Variants in VGLL4 observed in about 807,000 individuals in gnomAD.
VGLL4 encodes transcription cofactor vestigial-like protein 4.
VGLL4 carries 7 observed loss-of-function variants against 21.0 expected under a neutral mutation model. The ratio of observed to expected loss-of-function variants is 0.33; its 90% CI spans 0.19 to 0.63. VGLL4 has a LOEUF of 0.63. Among genes scored for constraint, VGLL4 ranks in the 20% least tolerant of loss-of-function variants. The pLI is 0.78. For missense variants in VGLL4, 394 were observed against 425.7 expected (o/e 0.93, Z 0.66); for synonymous variants, 222 against 173.2 (o/e 1.28, Z -2.21).
intron 2 of VGLL4, among the ~76,000 whole-genome samples, chr3:11,571,634 T>C (rs2073780719): frequency 6.6e-6 from 1 of 152,082 alleles, no homozygotes; most frequent in Non-Finnish European, 1.5e-5. Flanking sequence ...GCCACTGCAC[T>C]CCAGCCTGGG....
chr3:11,583,210 G>A (rs1054900033), intron 2 of VGLL4, among the ~76,000 whole-genome samples: 11 of 152,058 alleles, frequency 7.2e-5, no homozygotes, highest in Non-Finnish European at 1.3e-4. Context: ...GAAGCACCAC[G>A]GTATTTATCA....
chr3:11,608,900 C>T (rs528574590), intron 1 of VGLL4, among the ~76,000 whole-genome samples: 2 of 152,166 alleles, frequency 1.3e-5, no homozygotes, highest in African/African-American at 4.8e-5. Context: ...CTCACTCTGT[C>T]GCCCAGACTG....
intron 2 of VGLL4, among the ~76,000 whole-genome samples, chr3:11,586,895 G>A (rs1388479491): frequency 2.6e-5 from 4 of 152,210 alleles, no homozygotes. Flanking sequence ...CAACAAATAT[G>A]TTAGTTTCAA....
chr3:11,677,909 CAAAAAA>C (rs35366594), intron 2 of VGLL4, among the ~76,000 whole-genome samples: 10 of 120,906 alleles, frequency 8.3e-5, no homozygotes, highest in African/African-American at 3.2e-4. Context: ...CTTCGTCTTT[CAAAAAA>C]AAAAAAAAAA....
In VGLL4 at chr3:11,622,200, G is replaced by C. The variant is rs561725382; in HGVS notation, c.83-20178C>G. Among the ~76,000 whole-genome samples, 7 of 152,132 alleles carry C rather than the reference G, an allele frequency of 4.6e-5. 1 individual carries two copies. The highest frequency in any genetic ancestry group is 1.4e-4 in the African/African-American group (6 of 41,498). On this transcript the variant is annotated intron_variant, in intron 1 of 4. Transcript: ENST00000430365. Reference sequence around the variant, plus strand: ...ATCTTACATCTTTTACAAAGCTTACGAATTTGATTACAAATGTTCTTCTAA... The same window carrying C: ...ATCTTACATCTTTTACAAAGCTTACCAATTTGATTACAAATGTTCTTCTAA...
upstream of VGLL4, among the ~76,000 whole-genome samples, chr3:11,644,772 AGAG>A (rs2075761513): frequency 1.3e-5 from 2 of 148,454 alleles, no homozygotes; most frequent in Non-Finnish European, 1.5e-5. Flanking sequence ...CTTGAACCTG[AGAG>A]GAGGAGGATG....
intron 1 of VGLL4, among the ~76,000 whole-genome samples, chr3:11,630,887 A>G (rs2075461737): frequency 1.3e-5 from 2 of 152,194 alleles, no homozygotes; most frequent in African/African-American, 4.8e-5. Context: ...TGTACCTCTT[A>G]AAATGGTTAA....
chr3:11,705,920 CAAAA>C (rs11335186), intron 1 of VGLL4, among the ~76,000 whole-genome samples: 8 of 131,376 alleles, frequency 6.1e-5, no homozygotes, highest in Admixed American at 1.5e-4. Context: ...GACTCCGTCT[CAAAA>C]AAAAAAAAAA....
At chr3:11,586,468 T>C (rs2074364338) in intron 2 of VGLL4, among the ~76,000 whole-genome samples, 1 of 152,220 alleles carries the variant, frequency 6.6e-6, no homozygotes, top group Admixed American at 6.5e-5. Context: ...CCTCAAGTTC[T>C]GCATCCACAG....
At chr3:11,615,755 C>G (rs1426068166) in intron 1 of VGLL4, among the ~76,000 whole-genome samples, 1 of 152,118 alleles carries the variant, frequency 6.6e-6, no homozygotes, top group Non-Finnish European at 1.5e-5. Context: ...AAGACAGGGT[C>G]CCCAGATACA....
chr3:11,689,372 C>G (rs1039200), intron 2 of VGLL4, among the ~76,000 whole-genome samples: 1 of 151,932 alleles, frequency 6.6e-6, no homozygotes, highest in Non-Finnish European at 1.5e-5. Flanking sequence ...ATGTTTTGCT[C>G]TCTATCTTCC....
chr3:11,565,423 T>C lies in VGLL4; in HGVS notation c.273-404A>G, dbSNP rs762132740. Among the ~76,000 whole-genome samples the C allele has an allele frequency of 7.9e-5, 12 of 152,258 alleles. No homozygotes were observed. Among genetic ancestry groups the C allele is most frequent in the Non-Finnish European group, 1.3e-4 (9 of 68,016 alleles). ...CCAGAGTCACTGGCTGCGTCCTACATGCAGGGCCCTATTCAAAGCCTCCAC... is the reference window on the plus strand; with the variant it reads ...CCAGAGTCACTGGCTGCGTCCTACACGCAGGGCCCTATTCAAAGCCTCCAC... On this transcript the variant is annotated intron_variant, in intron 2 of 4. Transcript: ENST00000430365. This position sits in a 1 kb window ranked among gnomAD's most constrained non-coding sequence, Gnocchi z 4.1.
In VGLL4 at chr3:11,564,839, T is replaced by A; in HGVS notation, c.453A>T (p.Pro151=). ...GGGTCAGTGTGGGCGAGAGGCCGGC[T>A]GGCCTGCTGGCGTCCAGGCTGTTCT... ...LTKNSLDASR[P]AGLSPTLTPG... Residue 151 remains proline, a synonymous_variant, in exon 3 of 5, where the codon CCA becomes CCT. Transcript: ENST00000430365. 1 of 1,599,946 alleles carries A rather than the reference T, an allele frequency of 6.3e-7. No individual in the cohort carries two copies. Among genetic ancestry groups the A allele is most frequent in the Non-Finnish European group, 8.5e-7 (1 of 1,174,606 alleles).
intron 2 of VGLL4, among the ~76,000 whole-genome samples, chr3:11,662,628 C>T (rs1432594169): frequency 1.3e-5 from 2 of 152,234 alleles, no homozygotes; most frequent in African/African-American, 2.4e-5. Context: ...CACAATTTCT[C>T]CTAACTAGGA....
chr3:11,669,968 T>C (rs1188872575), intron 2 of VGLL4, among the ~76,000 whole-genome samples: 6 of 152,176 alleles, frequency 3.9e-5, no homozygotes, highest in Non-Finnish European at 8.8e-5. Flanking sequence ...AATATCACTC[T>C]TTTCAATGTT....
At chr3:11,671,145 A>G in intron 2 of VGLL4, 1 of 1,192,696 alleles carries the variant, frequency 8.4e-7, no homozygotes, top group Non-Finnish European at 1.1e-6. Flanking sequence ...TTCATGAAGT[A>G]ATGAGGCTTT....
Position 11,703,102 on chromosome 3 carries a change from C to T in VGLL4, c.-13-55G>A, listed in dbSNP as rs1350485673. 4.7e-6 allele frequency: 7 copies of T among 1,480,232 alleles called. No individual in the cohort carries two copies. In the East Asian group the frequency reaches 1.5e-4, roughly 31 times the overall value. The allele number at this position is 1,480,232 out of a possible 1,614,324, so 91.7% of individuals were successfully genotyped here. ...TAATTTAAACAGAATTCAAAAGACTCTTAGAATCCTAGTCATTAACAGAAT... is the reference window on the plus strand; with the variant it reads ...TAATTTAAACAGAATTCAAAAGACTTTTAGAATCCTAGTCATTAACAGAAT... On this transcript the variant is annotated intron_variant, in intron 1 of 5. Coordinates refer to the VGLL4 transcript ENST00000273038.
rs1044028692 is a variant in VGLL4, at chr3:11,698,279, C to T, written c.64+4692G>A. 3.9e-5 allele frequency among the ~76,000 whole-genome samples: 6 copies of T among 152,068 alleles called. No homozygotes were observed. The South Asian group carries it at 1.2e-3, about 32-fold the overall frequency. On this transcript the variant is annotated intron_variant, in intron 2 of 5. Coordinates refer to the VGLL4 transcript ENST00000273038. The stretch of plus-strand genomic sequence containing the variant: ...TGAGGATTATTTTGGGAGGCCAAGG[C>T]GGGTGGATTGCCTGAGCTCAGGAGT...
At chr3:11,658,649 T>TTTTTTTTTTTTTTTTTTTG (rs1407105707) in intron 2 of VGLL4, among the ~76,000 whole-genome samples, 1 of 151,002 alleles carries the variant, frequency 6.6e-6, no homozygotes, top group Non-Finnish European at 1.5e-5. Context: ...TCTTTCCTTT[T>TTTTTTTTTTTTTTTTTTTG]ATCCAGCCGG....
Sources: gnomAD v4.1 joint callset for allele counts (sites outside exome capture counted in the v4.1 genomes callset) on GRCh38, gnomAD v4.1.1 for gene constraint, Gnocchi (gnomAD v3.1) non-coding constraint, MANE v1.5 for transcripts, NCBI Gene and HGNC (gene_info 2026-07-23, HGNC 2026-07-21) for gene names.